Variants in HEXB observed in about 807,000 individuals in gnomAD.
HEXB encodes hexosaminidase subunit beta, also known as beta-hexosaminidase subunit beta.
In HEXB, 51 loss-of-function variants were observed where a neutral mutation model predicts 71.2. That is an observed-to-expected ratio of 0.72 (90% CI 0.57 to 0.90). The LOEUF is 0.90. Ranked by LOEUF, HEXB falls within the 40% of genes least tolerant of loss-of-function variation. HEXB has a pLI of 0.00. For synonymous variants in HEXB, 266 were observed against 249.3 expected (o/e 1.07, Z -0.63); for missense variants, 617 against 677.0 (o/e 0.91, Z 0.98).
intron 8 of HEXB, 110 bp downstream of exon 8, chr5:74,715,800 T>G: frequency 1.3e-6 from 1 of 773,856 alleles, no homozygotes. Context: ...GCAGATCACC[T>G]GAGGTCAGGA....
chr5:74,674,885 G>C (rs763164900), intron 1 of HEXB, among the ~76,000 whole-genome samples: 1 of 152,114 alleles, frequency 6.6e-6, no homozygotes, highest in Non-Finnish European at 1.5e-5. Context: ...GTAAGTCTGA[G>C]CTAGAAATCT....
At chr5:74,658,866 T>C (rs1222677051) in intron 1 of HEXB, among the ~76,000 whole-genome samples, 1 of 152,264 alleles carries the variant, frequency 6.6e-6, no homozygotes, top group East Asian at 1.9e-4. Context: ...CTGAGAATGA[T>C]TTAGGGAACC....
At chr5:74,650,587 C>T (rs939930472) in intron 1 of HEXB, among the ~76,000 whole-genome samples, 1 of 151,976 alleles carries the variant, frequency 6.6e-6, no homozygotes, top group East Asian at 1.9e-4. Context: ...AGTGTGCCTC[C>T]ATGTGTAGTT....
rs948164258 is a variant in HEXB, at chr5:74,720,832, C to T, written c.1613+85C>T. The T allele has an allele frequency of 9.3e-6, 10 of 1,074,020 alleles. No homozygotes were observed. The East Asian group carries it at 2.2e-4, about 24-fold the overall frequency. 66.5% of individuals were successfully genotyped at this position (1,074,020 alleles called of 1,614,324 possible). Reference sequence around the variant, plus strand: ...TTGCTATAAATAGAAATGTATGTTACCTAACAAATAGTAATTAGAAGAAAC... The same window carrying T: ...TTGCTATAAATAGAAATGTATGTTATCTAACAAATAGTAATTAGAAGAAAC... On this transcript the variant is annotated intron_variant, in intron 13 of 13. Coordinates refer to ENST00000261416, the MANE Select transcript of HEXB (RefSeq NM_000521.4).
At chr5:74,704,874 T>C (rs1216671845) in intron 5 of HEXB, among the ~76,000 whole-genome samples, 27 of 152,126 alleles carry the variant, frequency 1.8e-4, no homozygotes, top group Admixed American at 1.6e-3. Context: ...GGTGGTTGGC[T>C]TGAGCCCAGG....
chr5:74,713,434 C>T, intron 6 of HEXB, 72 bp from the exon 7 acceptor site: 7 of 1,444,022 alleles, frequency 4.8e-6, no homozygotes, highest in Non-Finnish European at 6.8e-6. Context: ...CAAATGCAAG[C>T]ACAATTGTTA....
chr5:74,660,794 C>A (rs1748303963), intron 1 of HEXB, among the ~76,000 whole-genome samples: 1 of 152,174 alleles, frequency 6.6e-6, no homozygotes, highest in Non-Finnish European at 1.5e-5. Context: ...GCTCACAGAT[C>A]TCATCAAAGA....
intron 1 of HEXB, among the ~76,000 whole-genome samples, chr5:74,661,314 TGAAAA>T (rs1748314928): frequency 6.6e-6 from 1 of 152,120 alleles, no homozygotes; most frequent in Non-Finnish European, 1.5e-5. Flanking sequence ...TCAACAAAAA[TGAAAA>T]GGAAAATCAG....
At chr5:74,717,569 G>A (rs1325319359) in intron 9 of HEXB, among the ~76,000 whole-genome samples, 1 of 151,536 alleles carries the variant, frequency 6.6e-6, no homozygotes, top group Non-Finnish European at 1.5e-5. Context: ...TCTGTAAAGG[G>A]TCAGAGAGTA....
At chr5:74,687,302 G>A (rs938112237) in intron 1 of HEXB, among the ~76,000 whole-genome samples, 120 of 152,284 alleles carry the variant, frequency 7.9e-4, no homozygotes, top group African/African-American at 2.7e-3. Context: ...CACAAAGTGC[G>A]ACGTGGTCAG....
intron 1 of HEXB, among the ~76,000 whole-genome samples, chr5:74,688,102 T>G (rs75630371): frequency 0.036 from 5,510 of 152,232 alleles, 330 homozygotes; most frequent in African/African-American, 0.13. Flanking sequence ...TGCCTTTACA[T>G]AATTTTTATT....
chr5:74,710,063 G>A (rs558173428), intron 6 of HEXB, among the ~76,000 whole-genome samples: 1 of 152,218 alleles, frequency 6.6e-6, no homozygotes, highest in Admixed American at 6.5e-5. Flanking sequence ...ACCAAATCCA[G>A]CAGCACATCA....
chr5:74,647,168 A>G (rs1233859988), intron 1 of HEXB, among the ~76,000 whole-genome samples: 1 of 152,112 alleles, frequency 6.6e-6, no homozygotes, highest in East Asian at 1.9e-4. Context: ...TCTTTTGAGT[A>G]CCCCAAGGCT....
intron 1 of HEXB, 109 bp downstream of exon 1, chr5:74,685,668 C>T (rs1748851685): frequency 2.0e-6 from 2 of 999,074 alleles, no homozygotes; most frequent in Non-Finnish European, 2.9e-6. Context: ...GAGAAACCGC[C>T]TGGGAGCTGG....
At chr5:74,689,202 A>C in intron 1 of HEXB, 126 bp from the exon 2 acceptor site, 1 of 766,994 alleles carries the variant, frequency 1.3e-6, no homozygotes, top group Admixed American at 2.0e-5. Flanking sequence ...TGGGGTGAGA[A>C]TCTCTAGTTG....
Position 74,721,247 on chromosome 5 carries a change from A to G in HEXB, c.*72A>G, listed in dbSNP as rs917999641. ...TTATTTTGAAATCATGTAAAATAAGATATTAGACTGTTTTTTGAATAAAAT... is the reference window on the plus strand; with the variant it reads ...TTATTTTGAAATCATGTAAAATAAGGTATTAGACTGTTTTTTGAATAAAAT... On this transcript the variant is annotated 3_prime_UTR_variant, in exon 14 of 14. Transcript: ENST00000261416. 2.5e-6 allele frequency: 3 copies of G among 1,185,646 alleles called. No homozygotes were observed. The African/African-American group carries it at 4.6e-5, about 18-fold the overall frequency. 73.4% of individuals were successfully genotyped at this position (1,185,646 alleles called of 1,614,324 possible).
chr5:74,691,509 G>A (rs1022895977), intron 2 of HEXB, among the ~76,000 whole-genome samples: 1 of 152,168 alleles, frequency 6.6e-6, no homozygotes, highest in Admixed American at 6.5e-5. Context: ...CAGTATTACT[G>A]AGAACACACA....
At chr5:74,708,784 T>G (rs1418434681) in intron 6 of HEXB, among the ~76,000 whole-genome samples, 1 of 151,212 alleles carries the variant, frequency 6.6e-6, no homozygotes, top group Non-Finnish European at 1.5e-5. Flanking sequence ...GCACCCAGAT[T>G]CATAAAGCAA....
At chr5:74,662,987 A>G (rs1748355619) in intron 1 of HEXB, among the ~76,000 whole-genome samples, 1 of 152,194 alleles carries the variant, frequency 6.6e-6, no homozygotes, top group South Asian at 2.1e-4. Context: ...CACCACCATC[A>G]TACGGATTTT....
Sources: gnomAD v4.1 joint callset for allele counts (sites outside exome capture counted in the v4.1 genomes callset) on GRCh38, gnomAD v4.1.1 for gene constraint, MANE v1.5 for transcripts, NCBI Gene and HGNC (gene_info 2026-07-23, HGNC 2026-07-21) for gene names.